Variants in ATR observed in about 807,000 individuals in gnomAD.
ATR encodes the protein serine/threonine-protein kinase ATR.
Under a neutral mutation model 305.3 loss-of-function variants are expected in ATR, and 142 were observed. The ratio of observed to expected loss-of-function variants is 0.47; its 90% CI spans 0.41 to 0.53. ATR has a LOEUF of 0.53. Among genes scored for constraint, ATR ranks in the 20% least tolerant of loss-of-function variants. ATR has a pLI of 0.00. For missense variants in ATR, 2,135 were observed against 3,133.1 expected (o/e 0.68, Z 7.60); for synonymous variants, 1,050 against 1,068.1 (o/e 0.98, Z 0.33).
rs76400998 is a variant in ATR, at chr3:142,575,985, G to A, written c.59+2661C>T. Among the ~76,000 whole-genome samples the A allele has an allele frequency of 8.9e-3, 1,358 of 152,314 alleles. 21 individuals are homozygous for A. The highest frequency in any genetic ancestry group is 0.031 in the African/African-American group (1,280 of 41,566). ...TTTTGTGCAGGGGAACTTACAATAT[G>A]ACTAATAGATGAAAAATCACTTTAC... On this transcript the variant is annotated intron_variant, in intron 1 of 46. Transcript: ENST00000350721.
At chr3:142,450,888 T>C (rs1473289356) in intron 46 of ATR, 2 of 1,278,976 alleles carry the variant, frequency 1.6e-6, no homozygotes, top group Non-Finnish European at 2.0e-6. Flanking sequence ...ACCAATACGG[T>C]GTTAAAAATG....
At chr3:142,451,868 G>A in intron 46 of ATR, 1 of 1,320,632 alleles carries the variant, frequency 7.6e-7, no homozygotes, top group Non-Finnish European at 1.0e-6. Flanking sequence ...AATGGAGCGA[G>A]CAGAAGTTTT....
chr3:142,519,704 A>G lies in ATR; in HGVS notation c.4347T>C (p.His1449=), dbSNP rs777646913. ...GATGAGGTTCTAGTATTTCCCGAAC[A>G]TGCTCAGGAAATCTCCTCCACAATT... is the stretch of plus-strand genomic sequence containing the variant. ...GHQLWRRFPE[H]VREILEPHLN... The change falls in exon 24 of 47, where the codon CAT becomes CAC. Residue 1449 remains histidine, a synonymous_variant. Transcript: ENST00000350721. The G allele has an allele frequency of 1.9e-6, 3 of 1,613,902 alleles. No homozygotes were observed. The highest frequency in any genetic ancestry group is 2.2e-5 in the South Asian group (2 of 91,082).
chr3:142,510,157 A>C (rs528354282), intron 27 of ATR, among the ~76,000 whole-genome samples: 3 of 148,516 alleles, frequency 2.0e-5, no homozygotes, highest in Middle Eastern at 3.4e-3. Flanking sequence ...GAAAATGGTG[A>C]TAATAGAGTG....
At chr3:142,450,799 CA>C (rs2070770335) in intron 46 of ATR, 6 of 1,414,712 alleles carry the variant, frequency 4.2e-6, no homozygotes, top group East Asian at 2.7e-5. Context: ...AGAACATGTT[CA>C]AGTGGTCCAA....
chr3:142,550,556 A>G (rs2034437625), intron 13 of ATR, among the ~76,000 whole-genome samples: 1 of 152,232 alleles, frequency 6.6e-6, no homozygotes, highest in Non-Finnish European at 1.5e-5. Flanking sequence ...GTATTTTAGC[A>G]TAACCTAACT....
chr3:142,449,299 T>C lies in ATR; in HGVS notation c.*130A>G. On this transcript the variant is annotated 3_prime_UTR_variant, in exon 47 of 47. Transcript: ENST00000350721. ...ATATTATTTTACATATAATTAATGA[T>C]CAGAGAGAAATAACAGTTGCTGAGA... The C allele has an allele frequency of 1.3e-6, 1 of 794,526 alleles. No individual in the cohort carries two copies. The highest frequency in any genetic ancestry group is 2.0e-6 in the Non-Finnish European group (1 of 495,534). The allele number at this position is 794,526 out of a possible 1,614,324, so 49.2% of individuals were successfully genotyped here.
At chr3:142,501,993 C>G (rs752616373) in intron 30 of ATR, among the ~76,000 whole-genome samples, 4 of 152,134 alleles carry the variant, frequency 2.6e-5, no homozygotes, top group Admixed American at 6.5e-5. Context: ...ATGATACACC[C>G]GCCTTGGCCT....
chr3:142,537,239 T>C (rs2033892386), intron 19 of ATR, among the ~76,000 whole-genome samples: 1 of 47,340 alleles, frequency 2.1e-5, no homozygotes, highest in Non-Finnish European at 4.8e-5. Flanking sequence ...CAGGCTCTTT[T>C]TGCTTTTTTT....
At chr3:142,545,104 T>TA (rs1452617428) in intron 16 of ATR, among the ~76,000 whole-genome samples, 1 of 152,212 alleles carries the variant, frequency 6.6e-6, no homozygotes, top group African/African-American at 2.4e-5. Flanking sequence ...TATCACCAAA[T>TA]ACTTATTATG....
At chr3:142,492,595 G>C (rs967358991) in intron 35 of ATR, among the ~76,000 whole-genome samples, 7 of 151,982 alleles carry the variant, frequency 4.6e-5, no homozygotes, top group Non-Finnish European at 8.8e-5. Context: ...CTTTGGGATA[G>C]ATACTTAACT....
intron 1 of ATR, among the ~76,000 whole-genome samples, chr3:142,572,480 G>T (rs2035306866): frequency 1.5e-5 from 2 of 131,304 alleles, no homozygotes; most frequent in Admixed American, 9.2e-5. Context: ...TGCCATAAAA[G>T]AACTGATACT....
chr3:142,564,244 C>T (rs1435183130), intron 3 of ATR, among the ~76,000 whole-genome samples: 3 of 148,550 alleles, frequency 2.0e-5, no homozygotes, highest in African/African-American at 4.9e-5. Context: ...TACTTTATTG[C>T]AATATTCACT....
At chr3:142,497,821 AGAT>A (rs768921851) in intron 32 of ATR, among the ~76,000 whole-genome samples, 1 of 152,194 alleles carries the variant, frequency 6.6e-6, no homozygotes, top group Non-Finnish European at 1.5e-5. Flanking sequence ...CTGGCATAGC[AGAT>A]GATAGTAAAA....
intron 35 of ATR, among the ~76,000 whole-genome samples, chr3:142,490,547 A>G (rs981219437): frequency 5.9e-5 from 9 of 152,322 alleles, no homozygotes; most frequent in East Asian, 1.9e-4. Flanking sequence ...TAAATGCTTA[A>G]TGCTTTGTGT....
intron 46 of ATR, chr3:142,451,589 T>G: frequency 7.7e-7 from 1 of 1,306,868 alleles, no homozygotes; most frequent in Non-Finnish European, 9.9e-7. Context: ...TGGAAGGATC[T>G]GAGTATGATG....
chr3:142,458,658 C>A (rs2070960018), intron 44 of ATR, among the ~76,000 whole-genome samples: 1 of 152,130 alleles, frequency 6.6e-6, no homozygotes, highest in Non-Finnish European at 1.5e-5. Flanking sequence ...AAAACTGAGT[C>A]TCAGTAAAAT....
chr3:142,574,291 C>G (rs1290515833), intron 1 of ATR, among the ~76,000 whole-genome samples: 1 of 150,808 alleles, frequency 6.6e-6, no homozygotes, highest in Admixed American at 6.6e-5. Flanking sequence ...ATGGTGAAAC[C>G]CCGTCTACAA....
chr3:142,561,102 A>G, intron 5 of ATR, 141 bp downstream of exon 5: 1 of 865,704 alleles, frequency 1.2e-6, no homozygotes, highest in South Asian at 1.8e-5. Context: ...AATTATAAAA[A>G]TATTTTAAGC....
Sources: allele counts gnomAD v4.1 joint callset (sites outside exome capture counted in the v4.1 genomes callset), GRCh38; gene constraint gnomAD v4.1.1; transcripts MANE v1.5; gene names NCBI Gene and HGNC (gene_info 2026-07-23, HGNC 2026-07-21).